The following MAP4K3 variants were observed in gnomAD, a reference collection of about 807,000 sequenced individuals.
MAP4K3 encodes mitogen-activated protein kinase kinase kinase kinase 3.
MAP4K3 carries 94 observed loss-of-function variants against 143.5 expected under a neutral mutation model. That is an observed-to-expected ratio of 0.65 (90% confidence interval 0.55 to 0.78). The LOEUF (loss-of-function observed/expected upper bound fraction) is 0.78. MAP4K3 is among the 30% of genes least tolerant of loss of function. MAP4K3 has a pLI of 0.00. For synonymous variants in MAP4K3, 416 were observed against 347.2 expected (o/e 1.20, Z -2.20); for missense variants, 1,077 against 1,068.1 (o/e 1.01, Z -0.12).
At chr2:39,386,923 C>G (rs551477485) in intron 1 of MAP4K3, among the ~76,000 whole-genome samples, 302 of 150,030 alleles carry the variant, frequency 2.0e-3, no homozygotes, top group African/African-American at 7.1e-3. Flanking sequence ...TCAAATGATT[C>G]TCCTGCCTCA....
At chr2:39,424,563 C>A (rs1665002703) in intron 1 of MAP4K3, among the ~76,000 whole-genome samples, 1 of 151,996 alleles carries the variant, frequency 6.6e-6, no homozygotes, top group Admixed American at 6.6e-5. Context: ...GGCGCAGTGG[C>A]TCAAGCCTGT....
At chr2:39,344,205 T>G (rs762887838) in intron 3 of MAP4K3, among the ~76,000 whole-genome samples, 45 of 152,318 alleles carry the variant, frequency 3.0e-4, no homozygotes, top group Non-Finnish European at 5.4e-4. Flanking sequence ...AAATAATATT[T>G]GTTCCATAAA....
At chr2:39,368,318 G>A (rs985454918) in intron 2 of MAP4K3, among the ~76,000 whole-genome samples, 5 of 150,888 alleles carry the variant, frequency 3.3e-5, no homozygotes, top group African/African-American at 1.2e-4. Context: ...AATACAATGG[G>A]CAAAAAATTT....
chr2:39,288,390 G>A, intron 19 of MAP4K3, 110 bp from the exon 20 acceptor site: 2 of 907,842 alleles, frequency 2.2e-6, no homozygotes, highest in South Asian at 1.8e-5. Context: ...TACATTAGAG[G>A]TTTACCAGAT....
intron 13 of MAP4K3, among the ~76,000 whole-genome samples, chr2:39,314,842 A>G (rs991185687): frequency 1.3e-5 from 2 of 152,180 alleles, no homozygotes; most frequent in Non-Finnish European, 2.9e-5. Context: ...GTGGTGCCTG[A>G]GAATCCCTTT....
intron 3 of MAP4K3, among the ~76,000 whole-genome samples, chr2:39,350,294 A>G (rs1173642575): frequency 6.6e-6 from 1 of 152,234 alleles, no homozygotes; most frequent in African/African-American, 2.4e-5. Flanking sequence ...AAATAAGTAT[A>G]CTGAGTTTAG....
At chr2:39,274,497 G>C (rs1410363911) in intron 24 of MAP4K3, among the ~76,000 whole-genome samples, 1 of 152,090 alleles carries the variant, frequency 6.6e-6, no homozygotes, top group Admixed American at 6.5e-5. Context: ...AGGGATTACA[G>C]GCATGAGCCA....
chr2:39,342,804 A>G lies in MAP4K3; in HGVS notation c.310+584T>C, dbSNP rs1665180823. 2.6e-5 allele frequency among the ~76,000 whole-genome samples: 4 copies of G among 152,178 alleles called. No individual in the cohort carries two copies. The South Asian group carries it at 6.2e-4, about 24-fold the overall frequency. ...TTCTCAGAAAATAGACATTAAATAG[A>G]TATTATTTTATTTTACATTAATCAA... On this transcript the variant is annotated intron_variant, in intron 4 of 33. Coordinates refer to ENST00000263881, the MANE Select transcript of MAP4K3 (RefSeq NM_003618.4).
Position 39,372,241 on chromosome 2 carries a change from T to G in MAP4K3, c.154+5825A>C, listed in dbSNP as rs562850209. Among the ~76,000 whole-genome samples, 202 of 150,894 alleles carry G rather than the reference T, an allele frequency of 1.3e-3. 1 individual carries two copies. Among genetic ancestry groups the G allele is most frequent in the Non-Finnish European group, 2.2e-3 (151 of 67,672 alleles). ...AGGAATTAACCAAAAAAATGAAAGATCTCTACAATGAAAACATAAAACATT... is the reference window on the plus strand; with the variant it reads ...AGGAATTAACCAAAAAAATGAAAGAGCTCTACAATGAAAACATAAAACATT... On this transcript the variant is annotated intron_variant, in intron 2 of 33. Transcript: ENST00000263881.
intron 3 of MAP4K3, among the ~76,000 whole-genome samples, chr2:39,345,549 C>A (rs937220516): frequency 6.6e-6 from 1 of 152,106 alleles, no homozygotes; most frequent in African/African-American, 2.4e-5. Context: ...AAAAAGAAAG[C>A]ACAAGCTATC....
chr2:39,353,260 C>T (rs1665509920), intron 3 of MAP4K3, among the ~76,000 whole-genome samples: 1 of 152,160 alleles, frequency 6.6e-6, no homozygotes, highest in Admixed American at 6.5e-5. Context: ...CAAGTCTAAT[C>T]ATTAGGATTC....
intron 1 of MAP4K3, among the ~76,000 whole-genome samples, chr2:39,384,038 CAA>C (rs1666421914): frequency 6.6e-6 from 1 of 151,254 alleles, no homozygotes; most frequent in Admixed American, 6.6e-5. Flanking sequence ...CAATTGAGCC[CAA>C]GAGATCAAGG....
chr2:39,257,407 C>T (rs915306256), intron 31 of MAP4K3, among the ~76,000 whole-genome samples: 4 of 152,152 alleles, frequency 2.6e-5, no homozygotes, highest in Non-Finnish European at 5.9e-5. Flanking sequence ...ACAGCCAAAA[C>T]ATAATCTGGT....
intron 3 of MAP4K3, among the ~76,000 whole-genome samples, chr2:39,345,000 T>A (rs1416143280): frequency 1.3e-5 from 2 of 152,198 alleles, no homozygotes; most frequent in Non-Finnish European, 2.9e-5. Context: ...CTCTAGTCAG[T>A]CCTTGTGTCT....
intron 2 of MAP4K3, among the ~76,000 whole-genome samples, chr2:39,374,024 T>C (rs866790899): frequency 1.3e-5 from 2 of 152,198 alleles, no homozygotes; most frequent in South Asian, 4.1e-4. Flanking sequence ...TACCCTGGTG[T>C]GATTATTATG....
chr2:39,285,691 G>T (rs1681742958), intron 21 of MAP4K3, among the ~76,000 whole-genome samples: 1 of 152,120 alleles, frequency 6.6e-6, no homozygotes, highest in Non-Finnish European at 1.5e-5. Flanking sequence ...AGAAACCATA[G>T]CATACTGAAT....
At chr2:39,436,200 T>C (rs547424938) in intron 1 of MAP4K3, among the ~76,000 whole-genome samples, 48 of 152,284 alleles carry the variant, frequency 3.2e-4, no homozygotes, top group African/African-American at 1.1e-3. Context: ...CTACTGGACT[T>C]TGAATTCTAA....
At chr2:39,395,354 C>G (rs934994313) in intron 1 of MAP4K3, among the ~76,000 whole-genome samples, 1 of 150,712 alleles carries the variant, frequency 6.6e-6, no homozygotes, top group Non-Finnish European at 1.5e-5. Context: ...CACACACACA[C>G]ACACATTTTT....
Position 39,286,925 on chromosome 2 carries a change from T to C in MAP4K3, c.1514A>G (p.Asp505Gly), listed in dbSNP as rs2148472947. 1 of 1,609,576 alleles carries C rather than the reference T, an allele frequency of 6.2e-7. No individual in the cohort carries two copies. Among genetic ancestry groups the C allele is most frequent in the Non-Finnish European group, 8.5e-7 (1 of 1,178,472 alleles). Residue 505 changes from aspartate (D) to glycine (G), a missense_variant, in exon 21 of 34, where the codon GAT becomes GGT. Physicochemically the swap from Asp to Gly is moderately conservative, Grantham distance 94. This residue lies in a region of MAP4K3 where 864 missense variants were observed against 801.2 expected (regional missense o/e 1.08). Transcript: ENST00000263881. ...MSSFQLNGERDGSLCQQQNEH... is the reference protein window; with the variant it reads ...MSSFQLNGERGGSLCQQQNEH... ...ATTCTGTTGTTGACATAATGAGCCA[T>C]CTCGTTCACCATTTAACTGGAAGGA...
Sources: gnomAD v4.1 joint callset for allele counts (sites outside exome capture counted in the v4.1 genomes callset) on GRCh38, gnomAD v4.1.1 for gene constraint, gnomAD v4.1.1 regional missense constraint, MANE v1.5 for transcripts, NCBI Gene and HGNC (gene_info 2026-07-23, HGNC 2026-07-21) for gene names.